CSNK2A2: variants seen among roughly 807,000 people sequenced by gnomAD.
The protein encoded by CSNK2A2 is casein kinase 2 alpha 2.
In CSNK2A2, 8 loss-of-function variants were observed where a neutral mutation model predicts 54.0. The ratio of observed to expected loss-of-function variants is 0.15; its 90% CI spans 0.09 to 0.27. CSNK2A2 has a LOEUF of 0.27. Among genes scored for constraint, CSNK2A2 ranks in the 10% least tolerant of loss-of-function variants. CSNK2A2 has a pLI of 1.00. For missense variants in CSNK2A2, 242 were observed against 439.4 expected (o/e 0.55, Z 4.02); for synonymous variants, 141 against 153.9 (o/e 0.92, Z 0.62).
intron 11 of CSNK2A2, chr16:58,161,620 C>A (rs2142403180): frequency 6.6e-6 from 1 of 151,882 alleles, no homozygotes; most frequent in South Asian, 2.1e-4. Flanking sequence ...ATCTCCGAAT[C>A]TAGGTAAATA....
At chr16:58,182,464 A>G (rs1284716349) in intron 4 of CSNK2A2, among the ~76,000 whole-genome samples, 1 of 140,356 alleles carries the variant, frequency 7.1e-6, no homozygotes, top group Admixed American at 7.2e-5. Context: ...CTGAAGCAGG[A>G]GAATTGATTG....
chr16:58,166,551 A>G, intron 9 of CSNK2A2, 33 bp downstream of exon 9: 1 of 1,441,052 alleles, frequency 6.9e-7, no homozygotes, highest in South Asian at 1.2e-5. Flanking sequence ...AAACGGGGTA[A>G]GGTAAAGCAC....
At chr16:58,190,437 G>C (rs1328541527) in intron 2 of CSNK2A2, among the ~76,000 whole-genome samples, 1 of 152,042 alleles carries the variant, frequency 6.6e-6, no homozygotes, top group Non-Finnish European at 1.5e-5. Context: ...TAGAAGGACA[G>C]AGTAAAAAGA....
chr16:58,197,724 C>T lies in CSNK2A2; in HGVS notation c.13G>A (p.Ala5Thr), dbSNP rs774365294. 2.3e-5 allele frequency: 33 copies of T among 1,464,520 alleles called. No homozygotes were observed. The highest frequency in any genetic ancestry group is 2.9e-5 in the Non-Finnish European group (32 of 1,101,812). The allele number at this position is 1,464,520 out of a possible 1,614,324, so 90.7% of individuals were successfully genotyped here. A position where few individuals can be genotyped will look rare whatever the true frequency, so the allele number is the denominator to read the frequency against. Reference protein sequence around the residue: MPGPAAGSRARVYAE... With the variant: MPGPTAGSRARVYAE... ...TAGACCCGGGCCCTGCTGCCCGCGG[C>T]CGGGCCGGGCATGGCGGGCGGGACC... The change falls in exon 1 of 12, where the codon GCC becomes ACC. Residue 5 changes from alanine (A) to threonine (T), a missense_variant. Physicochemically the swap from Ala to Thr is moderately conservative, Grantham distance 58. Transcript: ENST00000262506. The surrounding 1 kb of genome is among the most constrained non-coding windows in gnomAD (Gnocchi z 4.0).
intron 4 of CSNK2A2, among the ~76,000 whole-genome samples, chr16:58,182,131 T>A (rs2142435465): frequency 6.6e-6 from 1 of 151,978 alleles, no homozygotes; most frequent in Non-Finnish European, 1.5e-5. Context: ...GTATGAAACA[T>A]CCCCTTTGAG....
intron 2 of CSNK2A2, among the ~76,000 whole-genome samples, chr16:58,191,594 G>C (rs113103741): frequency 0.07 from 10,690 of 152,078 alleles, 478 homozygotes; most frequent in South Asian, 0.21. Flanking sequence ...AACTCCTGAC[G>C]TCAGGTGATC....
At chr16:58,167,346 A>G in intron 7 of CSNK2A2, 38 bp from the exon 8 acceptor site, 3 of 1,487,230 alleles carry the variant, frequency 2.0e-6, no homozygotes, top group Non-Finnish European at 2.8e-6. Context: ...CAAGGGTATT[A>G]GAAATCCATT....
chr16:58,184,829 A>AT, intron 3 of CSNK2A2, among the ~76,000 whole-genome samples: 1 of 152,310 alleles, frequency 6.6e-6, no homozygotes, highest in Admixed American at 6.5e-5. Flanking sequence ...GTGGGAATGT[A>AT]TCATAGGTCT....
intron 5 of CSNK2A2, among the ~76,000 whole-genome samples, chr16:58,171,501 C>T (rs77474474): frequency 0.067 from 10,212 of 151,614 alleles, 451 homozygotes; most frequent in South Asian, 0.2. Flanking sequence ...CCAGCCTGGG[C>T]GACAGATAAA....
chr16:58,181,534 T>C (rs1402353823), intron 4 of CSNK2A2, among the ~76,000 whole-genome samples: 1 of 150,984 alleles, frequency 6.6e-6, no homozygotes, highest in Non-Finnish European at 1.5e-5. Context: ...AATAACAAAA[T>C]AACAAAAACT....
intron 4 of CSNK2A2, among the ~76,000 whole-genome samples, chr16:58,177,670 G>A (rs779251377): frequency 2.0e-5 from 3 of 152,198 alleles, no homozygotes; most frequent in Non-Finnish European, 1.5e-5. Context: ...CCTGCCAGAT[G>A]TGGGAATCAC....
At chr16:58,167,389 T>A in intron 7 of CSNK2A2, 81 bp from the exon 8 acceptor site, 2 of 1,107,474 alleles carry the variant, frequency 1.8e-6, no homozygotes, top group Non-Finnish European at 2.6e-6. Context: ...TAGACGAGAT[T>A]GGGCGTGTTC....
intron 3 of CSNK2A2, among the ~76,000 whole-genome samples, chr16:58,186,234 C>G (rs1033406620): frequency 1.3e-5 from 2 of 151,864 alleles, no homozygotes; most frequent in Non-Finnish European, 2.9e-5. Context: ...ATATTTTAGT[C>G]TATCTACACA....
intron 5 of CSNK2A2, among the ~76,000 whole-genome samples, chr16:58,170,018 C>A (rs1183693258): frequency 2.6e-5 from 4 of 152,058 alleles, no homozygotes; most frequent in Admixed American, 2.6e-4. Flanking sequence ...TGCACTTCAG[C>A]CTGGGCAACA....
intron 5 of CSNK2A2, among the ~76,000 whole-genome samples, chr16:58,169,822 A>T (rs1961686518): frequency 6.6e-6 from 1 of 152,074 alleles, no homozygotes; most frequent in South Asian, 2.1e-4. Flanking sequence ...AGGCAGGCAG[A>T]TCACTTCAGG....
chr16:58,187,773 T>C (rs1962227473), intron 2 of CSNK2A2, among the ~76,000 whole-genome samples: 1 of 152,274 alleles, frequency 6.6e-6, no homozygotes, highest in Non-Finnish European at 1.5e-5. Flanking sequence ...AAAGTCCTTA[T>C]GTAGCAGAGT....
chr16:58,187,681 C>T (rs994133477), intron 2 of CSNK2A2, among the ~76,000 whole-genome samples: 1 of 152,174 alleles, frequency 6.6e-6, no homozygotes, highest in Non-Finnish European at 1.5e-5. Flanking sequence ...GTGACCAGAA[C>T]ACAGTAAGCA....
At chr16:58,189,742 T>G (rs911763829) in intron 2 of CSNK2A2, among the ~76,000 whole-genome samples, 2 of 152,100 alleles carry the variant, frequency 1.3e-5, no homozygotes, top group African/African-American at 4.8e-5. Flanking sequence ...AGTCCTCACA[T>G]GCAAACAAAA....
intron 2 of CSNK2A2, among the ~76,000 whole-genome samples, chr16:58,189,042 C>T (rs1256329280): frequency 6.6e-6 from 1 of 150,960 alleles, no homozygotes; most frequent in Non-Finnish European, 1.5e-5. Flanking sequence ...CTGCAAGCTC[C>T]GCCTCCCAGG....
Sources: allele counts gnomAD v4.1 joint callset (sites outside exome capture counted in the v4.1 genomes callset), GRCh38; gene constraint gnomAD v4.1.1; non-coding constraint Gnocchi (gnomAD v3.1); transcripts MANE v1.5; gene names NCBI Gene and HGNC (gene_info 2026-07-23, HGNC 2026-07-21).